TROAP: variants seen among roughly 807,000 people sequenced by gnomAD.
The protein encoded by TROAP is trophinin associated protein, also known as tastin.
Under a neutral mutation model 83.4 loss-of-function variants are expected in TROAP, and 62 were observed. That is an observed-to-expected ratio of 0.74 (90% CI 0.61 to 0.92). The LOEUF is 0.92. Ranked by LOEUF, TROAP falls within the 40% of genes least tolerant of loss-of-function variation. The pLI, the probability that TROAP is intolerant of heterozygous loss-of-function variation, is 0.00. For synonymous variants in TROAP, 352 were observed against 386.4 expected (o/e 0.91, Z 1.04); for missense variants, 876 against 985.1 (o/e 0.89, Z 1.48).
In TROAP at chr12:49,323,741, C is replaced by T; in HGVS notation, c.133C>T (p.Gln45Ter). The T allele has an allele frequency of 6.2e-7, 1 of 1,614,066 alleles. No homozygotes were observed. Among genetic ancestry groups the T allele is most frequent in the Non-Finnish European group, 8.5e-7 (1 of 1,180,002 alleles). The change falls in exon 2 of 15, where the codon CAA becomes TAA. Residue 45 changes from glutamine (Q) to a stop codon, truncating the protein, a stop_gained. Coordinates refer to ENST00000257909, the MANE Select transcript of TROAP (RefSeq NM_005480.4). LOFTEE classifies it high-confidence loss of function. Reference protein sequence around the residue: ...VTSCAVDQENQDPRRWVQKPP... With the variant: ...VTSCAVDQEN ...ATCGTGCGCCGTGGACCAGGAGAAC[C>T]AAGATCCAAGGGTAAGAGGGGCCTA...
chr12:49,325,149 C>A (rs1037327423), intron 3 of TROAP, among the ~76,000 whole-genome samples: 1 of 151,812 alleles, frequency 6.6e-6, no homozygotes, highest in Non-Finnish European at 1.5e-5. Flanking sequence ...AAACTCCTGA[C>A]CTCAGGTGAT....
Position 49,331,276 on chromosome 12 carries a change from G to T in TROAP, c.2161G>T (p.Ala721Ser), listed in dbSNP as rs757967719. 3.7e-6 allele frequency: 6 copies of T among 1,614,166 alleles called. No individual in the cohort carries two copies. Among genetic ancestry groups the T allele is most frequent in the Non-Finnish European group, 3.4e-6 (4 of 1,180,032 alleles). ...GGAGCGCCTCAAATCGTGTTTAACC[G>T]CCATCCACTGCTTCCACGAGGCTCG... Reference protein sequence around the residue: ...LRERLKSCLTAIHCFHEARLD... With the variant: ...LRERLKSCLTSIHCFHEARLD... The change falls in exon 14 of 15, where the codon GCC (alanine) becomes TCC (serine). Residue 721 changes from alanine to serine, a missense_variant. This residue lies in a region of TROAP where 184 missense variants were observed against 238.3 expected (regional missense o/e 0.77). Coordinates refer to ENST00000257909, the MANE Select transcript of TROAP (RefSeq NM_005480.4).
intron 6 of TROAP, 48 bp downstream of exon 6, chr12:49,326,206 C>G: frequency 6.3e-7 from 1 of 1,586,232 alleles, no homozygotes; most frequent in African/African-American, 1.3e-5. Flanking sequence ...AAAGAATGAA[C>G]CAGTGTCTGA....
intron 6 of TROAP, 53 bp from the exon 7 acceptor site, chr12:49,326,615 C>T: frequency 1.3e-6 from 2 of 1,525,768 alleles, no homozygotes; most frequent in Non-Finnish European, 8.9e-7. Context: ...AGCACATGTC[C>T]AGCTCATACT....
Position 49,329,116 on chromosome 12 carries a change from A to T in TROAP, c.1021-45A>T. On this transcript the variant is annotated intron_variant, in intron 9 of 14. Transcript: ENST00000257909. This position sits in a 1 kb window ranked among gnomAD's most constrained non-coding sequence, Gnocchi z 4.5. ...AACAGTCTGGCCGGAGATCCTTGCT[A>T]TGTCTGGGTTTTGTCCCTGCTCAGC... is the stretch of plus-strand genomic sequence containing the variant. The T allele has an allele frequency of 6.2e-7, 1 of 1,613,932 alleles. No homozygotes were observed. The highest frequency in any genetic ancestry group is 8.5e-7 in the Non-Finnish European group (1 of 1,179,978).
At position 49,323,759 on chromosome 12, in the gene TROAP, G is replaced by C; in HGVS notation, c.144+7G>C. The C allele has an allele frequency of 6.2e-7, 1 of 1,614,098 alleles. No homozygotes were observed. The highest frequency in any genetic ancestry group is 8.5e-7 in the Non-Finnish European group (1 of 1,180,012). ...GGAGAACCAAGATCCAAGGGTAAGA[G>C]GGGCCTAATGGGGGAAGACAGTAGT... On this transcript the variant is annotated splice_region_variant and intron_variant, in intron 2 of 14. Transcript: ENST00000257909.
rs900205328 is a variant in TROAP at position 49,327,251 on chromosome 12, C to T, written c.812C>T (p.Ser271Leu). Residue 271 changes from serine to leucine, a missense_variant, in exon 8 of 15, where the codon TCA becomes TTA. This residue lies in a region of TROAP where 689 missense variants were observed against 722.6 expected (regional missense o/e 0.95). Coordinates refer to ENST00000257909, the MANE Select transcript of TROAP (RefSeq NM_005480.4). Reference protein sequence around the residue: ...PKGEREVVTHSDEGGVASLGL... With the variant: ...PKGEREVVTHLDEGGVASLGL... ...GGAGAACGCGAGGTTGTCACTCACT[C>T]AGATGAAGGAGGTGTGGCCTCTCTT... 1 of 1,614,172 alleles carries T rather than the reference C, an allele frequency of 6.2e-7. No individual in the cohort carries two copies. Among genetic ancestry groups the T allele is most frequent in the Non-Finnish European group, 8.5e-7 (1 of 1,180,006 alleles).
Position 49,329,144 on chromosome 12 carries a change from C to T in TROAP, c.1021-17C>T. On this transcript the variant is annotated splice_polypyrimidine_tract_variant and intron_variant, in intron 9 of 14. Transcript: ENST00000257909. The surrounding 1 kb of genome is among the most constrained non-coding windows in gnomAD (Gnocchi z 4.5). The stretch of plus-strand genomic sequence containing the variant: ...TCTGGGTTTTGTCCCTGCTCAGCCA[C>T]CCACATCTCTCCCCAGACCTCATAT... 2 of 1,614,160 alleles carry T rather than the reference C, an allele frequency of 1.2e-6. No homozygotes were observed. Among genetic ancestry groups the T allele is most frequent in the African/African-American group, 1.3e-5 (1 of 75,014 alleles).
At position 49,329,891 on chromosome 12, in the gene TROAP, G is replaced by A. The variant is rs954264524; in HGVS notation, c.1199G>A (p.Ser400Asn). The A allele has an allele frequency of 1.2e-6, 2 of 1,614,070 alleles. No individual in the cohort carries two copies. Among genetic ancestry groups the A allele is most frequent in the East Asian group, 2.2e-5 (1 of 44,874 alleles). Reference sequence around the variant, plus strand: ...GCCGTCCGGTTGTTTGACCAGGAGAGTTGTATAAGGTCACTGGAGGGTTCT... The same window carrying A: ...GCCGTCCGGTTGTTTGACCAGGAGAATTGTATAAGGTCACTGGAGGGTTCT... ...QVAVRLFDQE[S>N]CIRSLEGSGK... is the part of the protein sequence containing the mutation. Residue 400 changes from serine to asparagine, a missense_variant, in exon 12 of 15, where the codon AGT (serine) becomes AAT (asparagine). Physicochemically the swap from Ser to Asn is conservative, Grantham distance 46. Coordinates refer to ENST00000257909, the MANE Select transcript of TROAP (RefSeq NM_005480.4). This position sits in a 1 kb window ranked among gnomAD's most constrained non-coding sequence, Gnocchi z 4.5.
chr12:49,330,204 G>T lies in TROAP; in HGVS notation c.1359G>T (p.Gln453His), dbSNP rs766561574. The change falls in exon 13 of 15, where the codon CAG becomes CAT. Residue 453 changes from glutamine (Q) to histidine (H), a missense_variant. Physicochemically the swap from Gln to His is conservative, Grantham distance 24 (BLOSUM62 0). Coordinates refer to ENST00000257909, the MANE Select transcript of TROAP (RefSeq NM_005480.4). ...RQEVEGLVGG[Q>H]CVPLNGGSSL... ...AAGTAGAGGGGCTGGTAGGGGGCCAGTGTGTCCCTCTTAATGGAGGCTCTT... is the reference window on the plus strand; with the variant it reads ...AAGTAGAGGGGCTGGTAGGGGGCCATTGTGTCCCTCTTAATGGAGGCTCTT... The T allele has an allele frequency of 3.1e-6, 5 of 1,614,142 alleles. No homozygotes were observed. In the South Asian group the frequency reaches 5.5e-5, roughly 18 times the overall value.
intron 3 of TROAP, chr12:49,324,328 G>A (rs1352259196): frequency 1.5e-5 from 11 of 738,612 alleles, no homozygotes; most frequent in Non-Finnish European, 2.3e-5. Context: ...ATGACAGAGG[G>A]AGATCCCATC....
intron 8 of TROAP, among the ~76,000 whole-genome samples, chr12:49,328,678 C>T (rs955819501): frequency 6.6e-6 from 1 of 152,012 alleles, no homozygotes; most frequent in Admixed American, 6.5e-5. Context: ...TCCTGGCTAA[C>T]ATGGTGAAAC....
At position 49,329,348 on chromosome 12, in the gene TROAP, G is replaced by GCCA. The variant is rs767823077; in HGVS notation, c.1105-46_1105-44dup. 13 of 1,612,716 alleles carry GCCA rather than the reference G, an allele frequency of 8.1e-6. No individual in the cohort carries two copies. Reference sequence around the variant, plus strand: ...AGACAGAAGCAAGGGGAGGCTGAGTGCCATCTGTGGGTGTCAGCCCTTGCT... The same window carrying GCCA: ...AGACAGAAGCAAGGGGAGGCTGAGTGCCACCATCTGTGGGTGTCAGCCCTTGCT... On this transcript the variant is annotated intron_variant, in intron 10 of 14. Coordinates refer to ENST00000257909, the MANE Select transcript of TROAP (RefSeq NM_005480.4). The surrounding 1 kb of genome is among the most constrained non-coding windows in gnomAD (Gnocchi z 4.5).
chr12:49,327,223 A>C lies in TROAP; in HGVS notation c.784A>C (p.Lys262Gln). ...TPVQPAFSLP[K>Q]GEREVVTHSD... ...TTTCTTCCTAGCTTTCTCTCTTCCTAAAGGAGAACGCGAGGTTGTCACTCA... is the reference window on the plus strand; with the variant it reads ...TTTCTTCCTAGCTTTCTCTCTTCCTCAAGGAGAACGCGAGGTTGTCACTCA... The change falls in exon 8 of 15, where the codon AAA becomes CAA. Residue 262 changes from lysine (K) to glutamine (Q), a missense_variant. Transcript: ENST00000257909. 1 of 1,614,028 alleles carries C rather than the reference A, an allele frequency of 6.2e-7. No individual in the cohort carries two copies. The highest frequency in any genetic ancestry group is 1.6e-4 in the Middle Eastern group (1 of 6,062).
At chr12:49,328,816 A>C in intron 8 of TROAP, 111 bp from the exon 9 acceptor site, 1 of 1,419,558 alleles carries the variant, frequency 7.0e-7, no homozygotes, top group Middle Eastern at 1.9e-4. Flanking sequence ...GTGAGCCAAG[A>C]TCGCGCCACT....
At position 49,327,327 on chromosome 12, in the gene TROAP, C is replaced by G. The variant is rs754043819; in HGVS notation, c.888C>G (p.Thr296=). The G allele has an allele frequency of 2.0e-5, 32 of 1,613,680 alleles. No homozygotes were observed. The highest frequency in any genetic ancestry group is 8.3e-5 in the Admixed American group (5 of 59,980). The change falls in exon 8 of 15, where the codon ACC becomes ACG. Residue 296 remains threonine (T), a synonymous_variant. Coordinates refer to ENST00000257909, the MANE Select transcript of TROAP (RefSeq NM_005480.4). ...PLRENREMSH[T]RDSHDSHLMP... is the part of the protein sequence containing the mutation. The stretch of plus-strand genomic sequence containing the variant: ...GAGAAAACCGAGAAATGTCACATAC[C>G]AGGGTGAGATGCGACTCTCCTGGGA...
chr12:49,324,032 A>G lies in TROAP; in HGVS notation c.332A>G (p.Gln111Arg). 6.2e-7 allele frequency: 1 copy of G among 1,613,056 alleles called. No homozygotes were observed. Among genetic ancestry groups the G allele is most frequent in the East Asian group, 2.2e-5 (1 of 44,870 alleles). Residue 111 changes from glutamine (Q) to arginine (R), a missense_variant, in exon 3 of 15, where the codon CAG becomes CGG. By Grantham distance (43) the Gln-to-Arg change is conservative. Transcript: ENST00000257909. ...GQNVGPGPPAQTEAPGTIEFV... is the reference protein window; with the variant it reads ...GQNVGPGPPARTEAPGTIEFV... ...AATGTGGGGCCTGGGCCCCCTGCCC[A>G]GACAGGTACCTGTTGGAGCCATGGT...
intron 8 of TROAP, among the ~76,000 whole-genome samples, chr12:49,327,956 C>T (rs1440156825): frequency 1.3e-5 from 2 of 152,004 alleles, no homozygotes; most frequent in African/African-American, 4.8e-5. Flanking sequence ...GGGGAAGGAA[C>T]ATTCCAGGCC....
At chr12:49,323,544 G>T in intron 1 of TROAP, 60 bp from the exon 2 acceptor site, 1 of 1,580,806 alleles carries the variant, frequency 6.3e-7, no homozygotes, top group South Asian at 1.2e-5. Flanking sequence ...CAGGTGCCCC[G>T]AGAACTGGTT....
Sources: gnomAD v4.1 joint callset for allele counts (sites outside exome capture counted in the v4.1 genomes callset) on GRCh38, gnomAD v4.1.1 for gene constraint, gnomAD v4.1.1 regional missense constraint, Gnocchi (gnomAD v3.1) non-coding constraint, MANE v1.5 for transcripts, NCBI Gene and HGNC (gene_info 2026-07-23, HGNC 2026-07-21) for gene names.